Variants in MMP16 observed in about 807,000 individuals in gnomAD.
The protein encoded by MMP16 is matrix metallopeptidase 16, also known as matrix metalloproteinase-16.
In MMP16, 12 loss-of-function variants were observed where a neutral mutation model predicts 67.8. The ratio of observed to expected loss-of-function variants is 0.18; its 90% CI spans 0.11 to 0.29. MMP16 has a LOEUF of 0.29. Among genes scored for constraint, MMP16 ranks in the 10% least tolerant of loss-of-function variants. The pLI, the probability that MMP16 is intolerant of heterozygous loss-of-function variation, is 1.00. For synonymous variants in MMP16, 249 were observed against 255.9 expected (o/e 0.97, Z 0.26); for missense variants, 475 against 765.7 (o/e 0.62, Z 4.48).
chr8:88,143,396 G>A (rs543754733), intron 4 of MMP16, among the ~76,000 whole-genome samples: 1 of 152,174 alleles, frequency 6.6e-6, no homozygotes, highest in African/African-American at 2.4e-5. Context: ...AGCATAAAGT[G>A]TGAAGAGTTC....
chr8:88,278,308 G>A (rs1477910517), intron 1 of MMP16, among the ~76,000 whole-genome samples: 1 of 152,134 alleles, frequency 6.6e-6, no homozygotes, highest in Non-Finnish European at 1.5e-5. Flanking sequence ...CACTGCTTGA[G>A]AAATGCTGCT....
At chr8:88,313,607 A>G (rs928639394) in intron 1 of MMP16, among the ~76,000 whole-genome samples, 1 of 152,134 alleles carries the variant, frequency 6.6e-6, no homozygotes, top group African/African-American at 2.4e-5. Flanking sequence ...TGTATTTTCC[A>G]TCAAATTAAG....
intron 1 of MMP16, among the ~76,000 whole-genome samples, chr8:88,258,802 G>T (rs1810344103): frequency 6.6e-6 from 1 of 152,152 alleles, no homozygotes; most frequent in African/African-American, 2.4e-5. Flanking sequence ...AGAAGACACA[G>T]TATAAAGTTG....
chr8:88,158,815 T>G (rs1467290922), intron 4 of MMP16, among the ~76,000 whole-genome samples: 1 of 152,256 alleles, frequency 6.6e-6, no homozygotes, highest in Non-Finnish European at 1.5e-5. Flanking sequence ...CATTTAAGTC[T>G]TTAATCCATC....
Position 88,186,368 on chromosome 8 carries a change from C to T in MMP16, c.404+108G>A, listed in dbSNP as rs568031106. 65 of 1,375,032 alleles carry T rather than the reference C, an allele frequency of 4.7e-5. No homozygotes were observed. In the African/African-American group the frequency reaches 8.8e-4, roughly 19 times the overall value. The allele number at this position is 1,375,032 out of a possible 1,614,324, so 85.2% of individuals were successfully genotyped here. A position where few individuals can be genotyped will look rare whatever the true frequency, so the allele number is the denominator to read the frequency against. On this transcript the variant is annotated intron_variant, in intron 3 of 9. Transcript: ENST00000286614. ...TAAATCTCTTATGTTAACATTATATCCCTATATATTAACATGTAGTCAACG... is the reference window on the plus strand; with the variant it reads ...TAAATCTCTTATGTTAACATTATATTCCTATATATTAACATGTAGTCAACG...
intron 3 of MMP16, among the ~76,000 whole-genome samples, chr8:88,185,331 T>C (rs1392884543): frequency 6.6e-6 from 1 of 152,030 alleles, no homozygotes; most frequent in Non-Finnish European, 1.5e-5. Flanking sequence ...TGGTGGTGCA[T>C]GCCTGTAATC....
At chr8:88,165,719 A>G (rs1464623344) in intron 4 of MMP16, among the ~76,000 whole-genome samples, 2 of 152,136 alleles carry the variant, frequency 1.3e-5, no homozygotes, top group Non-Finnish European at 1.5e-5. Flanking sequence ...GCTCAGGTAT[A>G]GAGTACGTTA....
intron 1 of MMP16, among the ~76,000 whole-genome samples, chr8:88,214,518 C>A (rs1410208090): frequency 6.6e-6 from 1 of 151,894 alleles, no homozygotes; most frequent in Non-Finnish European, 1.5e-5. Context: ...TTTTAATGAA[C>A]AAAACTTAGG....
In MMP16 at chr8:88,033,162, C is replaced by G. The variant is rs1314950990; in HGVS notation, c.*8299G>C. ...AAATGTGTATTGTTTACCCAAGAGA[C>G]AACTTCCCTTTGCAATTACTTGAAT... On this transcript the variant is annotated 3_prime_UTR_variant, in exon 10 of 10. Coordinates refer to ENST00000286614, the MANE Select transcript of MMP16 (RefSeq NM_005941.5). The G allele has an allele frequency of 1.3e-5, 2 of 151,920 alleles. No homozygotes were observed. Among genetic ancestry groups the G allele is most frequent in the African/African-American group, 4.8e-5 (2 of 41,432 alleles). 9.4% of individuals were successfully genotyped at this position (151,920 alleles called of 1,614,324 possible).
At chr8:88,092,339 T>C (rs1396721344) in intron 6 of MMP16, among the ~76,000 whole-genome samples, 1 of 151,936 alleles carries the variant, frequency 6.6e-6, no homozygotes, top group African/African-American at 2.4e-5. Flanking sequence ...CTCGTTCCTT[T>C]ATCTGTTTAA....
intron 1 of MMP16, among the ~76,000 whole-genome samples, chr8:88,245,585 C>T (rs763088301): frequency 2.0e-4 from 31 of 152,184 alleles, no homozygotes; most frequent in Non-Finnish European, 3.1e-4. Flanking sequence ...GGAGACCAAT[C>T]TGTATGAGAC....
Position 88,096,515 on chromosome 8 carries a change from A to ATT in MMP16, c.1083+19990_1083+19991dup, listed in dbSNP as rs67538227. The stretch of plus-strand genomic sequence containing the variant: ...TAAAATTCTTCAAAGGATCACTGCC[A>ATT]TTTTTTTTTGTCTTTCGTGTTTTAA... On this transcript the variant is annotated intron_variant, in intron 6 of 9. Transcript: ENST00000286614. 1.5e-3 allele frequency among the ~76,000 whole-genome samples: 227 copies of ATT among 150,896 alleles called. 1 individual carries two copies. The highest frequency in any genetic ancestry group is 5.0e-3 in the African/African-American group (206 of 41,208).
At chr8:88,300,004 A>G (rs1811073067) in intron 1 of MMP16, among the ~76,000 whole-genome samples, 1 of 152,230 alleles carries the variant, frequency 6.6e-6, no homozygotes, top group Non-Finnish European at 1.5e-5. Context: ...TTTCTTTTCT[A>G]TAAAAGTAAA....
intron 3 of MMP16, among the ~76,000 whole-genome samples, chr8:88,185,028 A>G (rs533959814): frequency 6.6e-6 from 1 of 152,206 alleles, no homozygotes; most frequent in Admixed American, 6.5e-5. Flanking sequence ...GTGAATACCA[A>G]CTTCATGGGC....
intron 3 of MMP16, among the ~76,000 whole-genome samples, chr8:88,176,287 C>T (rs957648396): frequency 6.6e-6 from 1 of 152,126 alleles, no homozygotes; most frequent in African/African-American, 2.4e-5. Flanking sequence ...CTGGCTGAGG[C>T]CATTGTCAGG....
intron 1 of MMP16, among the ~76,000 whole-genome samples, chr8:88,264,694 G>A (rs1342659072): frequency 1.3e-5 from 2 of 152,172 alleles, no homozygotes; most frequent in Admixed American, 6.5e-5. Context: ...GGACTGCTAT[G>A]CTCAGAATCC....
intron 1 of MMP16, among the ~76,000 whole-genome samples, chr8:88,212,192 T>C (rs1435386079): frequency 6.6e-6 from 1 of 152,172 alleles, no homozygotes; most frequent in African/African-American, 2.4e-5. Flanking sequence ...TGAGAGGTAA[T>C]GGTGTGTGGT....
chr8:88,164,409 G>A (rs1373253051), intron 4 of MMP16, among the ~76,000 whole-genome samples: 3 of 152,032 alleles, frequency 2.0e-5, no homozygotes, highest in African/African-American at 7.2e-5. Flanking sequence ...ATGTACAAAT[G>A]AATTAATTCT....
At chr8:88,043,222 C>A (rs1255990026) in intron 9 of MMP16, among the ~76,000 whole-genome samples, 1 of 152,098 alleles carries the variant, frequency 6.6e-6, no homozygotes, top group Non-Finnish European at 1.5e-5. Flanking sequence ...AAGATTTAAA[C>A]CTTGATCTAG....
Sources: allele counts gnomAD v4.1 joint callset (sites outside exome capture counted in the v4.1 genomes callset), GRCh38; gene constraint gnomAD v4.1.1; transcripts MANE v1.5; gene names NCBI Gene and HGNC (gene_info 2026-07-23, HGNC 2026-07-21).